LAMA3: variants seen among roughly 807,000 people sequenced by gnomAD.
LAMA3 encodes the protein laminin subunit alpha 3.
Under a neutral mutation model 402.0 loss-of-function variants are expected in LAMA3, and 281 were observed. The ratio of observed to expected loss-of-function variants is 0.70; its 90% confidence interval spans 0.63 to 0.77. The LOEUF (loss-of-function observed/expected upper bound fraction) is 0.77. Among genes scored for constraint, LAMA3 ranks in the 30% least tolerant of loss-of-function variants. LAMA3 has a pLI of 0.00. For synonymous variants in LAMA3, 1,431 were observed against 1,558.4 expected (o/e 0.92, Z 1.93); for missense variants, 3,840 against 4,215.5 (o/e 0.91, Z 2.47).
chr18:23,850,173 C>A (rs1449488517), intron 32 of LAMA3, among the ~76,000 whole-genome samples: 1 of 152,214 alleles, frequency 6.6e-6, no homozygotes, highest in Non-Finnish European at 1.5e-5. Flanking sequence ...CAGTCTTGTC[C>A]TGCAGTTGTA....
intron 2 of LAMA3, among the ~76,000 whole-genome samples, chr18:23,741,174 G>T (rs1461267818): frequency 2.6e-5 from 4 of 151,800 alleles, no homozygotes; most frequent in Admixed American, 1.3e-4. Flanking sequence ...TTAGCCAGGA[G>T]AGTCTCGATC....
chr18:23,846,305 C>A lies in LAMA3; in HGVS notation c.3728C>A (p.Thr1243Lys), dbSNP rs774210963. The A allele has an allele frequency of 1.7e-5, 28 of 1,614,122 alleles. No individual in the cohort carries two copies. In the South Asian group the frequency reaches 3.1e-4, roughly 18 times the overall value. Residue 1243 changes from threonine (T) to lysine (K), a missense_variant, in exon 31 of 75, where the codon ACA (threonine) becomes AAA (lysine). Physicochemically the swap from Thr to Lys is moderately conservative, Grantham distance 78. Transcript: ENST00000313654. ...TGTTTCTGTCTCCACAGCCCCCAGACAGCCTCCAGATTCTGTAAGAATTCC... is the reference window on the plus strand; with the variant it reads ...TGTTTCTGTCTCCACAGCCCCCAGAAAGCCTCCAGATTCTGTAAGAATTCC... The part of the protein sequence containing the change: ...GKNSFYLDPQ[T>K]ASRFCKNSAR...
At chr18:23,829,089 C>T (rs941883650) in intron 23 of LAMA3, among the ~76,000 whole-genome samples, 1 of 152,152 alleles carries the variant, frequency 6.6e-6, no homozygotes, top group African/African-American at 2.4e-5. Context: ...AATAGGCACA[C>T]CTAGGGAGAC....
rs1330157214 is a variant in LAMA3, at chr18:23,697,185, C to T, written c.294+7208C>T. 2.6e-5 allele frequency among the ~76,000 whole-genome samples: 4 copies of T among 152,314 alleles called. No individual in the cohort carries two copies. In the South Asian group the frequency reaches 8.3e-4, roughly 32 times the overall value. ...ACTTCCTGTGCTAAGCATGCTGCAC[C>T]ACTGAAATGATTTCTGAAGAGGAGG... is the stretch of plus-strand genomic sequence containing the variant. On this transcript the variant is annotated intron_variant, in intron 1 of 74. Transcript: ENST00000313654.
intron 11 of LAMA3, among the ~76,000 whole-genome samples, chr18:23,779,438 T>C (rs1322356587): frequency 6.6e-6 from 1 of 151,944 alleles, no homozygotes; most frequent in Non-Finnish European, 1.5e-5. Context: ...CCAACAGGAT[T>C]TGCTGAGGGA....
At chr18:23,840,776 T>C (rs1480092970) in intron 27 of LAMA3, among the ~76,000 whole-genome samples, 1 of 152,140 alleles carries the variant, frequency 6.6e-6, no homozygotes. Context: ...AAAAATATAA[T>C]TTACATTATG....
intron 74 of LAMA3, 102 bp from the exon 75 acceptor site, chr18:23,954,401 T>TTA (rs2083037769): frequency 1.7e-6 from 1 of 588,740 alleles, no homozygotes; most frequent in African/African-American, 2.7e-5. Context: ...GGACCCTGTC[T>TTA]AAAAAAAAAA....
chr18:23,819,816 T>C, intron 18 of LAMA3, 25 bp from the exon 19 acceptor site: 1 of 1,608,386 alleles, frequency 6.2e-7, no homozygotes, highest in Non-Finnish European at 8.5e-7. Context: ...ACCTCCTGTA[T>C]GTGTTTACTT....
At chr18:23,721,981 A>G (rs2061222146) in intron 2 of LAMA3, among the ~76,000 whole-genome samples, 1 of 152,182 alleles carries the variant, frequency 6.6e-6, no homozygotes, top group African/African-American at 2.4e-5. Flanking sequence ...CCTGATTAGT[A>G]TCCTTTAGTG....
At chr18:23,917,501 T>C (rs925039988) in intron 60 of LAMA3, among the ~76,000 whole-genome samples, 1 of 152,218 alleles carries the variant, frequency 6.6e-6, no homozygotes, top group Non-Finnish European at 1.5e-5. Flanking sequence ...AATCATTCCC[T>C]TTTTTCCACT....
At chr18:23,932,670 A>C (rs553475504) in intron 66 of LAMA3, 1 of 221,778 alleles carries the variant, frequency 4.5e-6, no homozygotes, top group East Asian at 1.1e-4. Flanking sequence ...GTGCTGTGCT[A>C]GGAAACCAAA....
chr18:23,797,298 T>C (rs1299881363), intron 12 of LAMA3, among the ~76,000 whole-genome samples: 1 of 151,502 alleles, frequency 6.6e-6, no homozygotes, highest in African/African-American at 2.4e-5. Flanking sequence ...TTAGAGGGAA[T>C]TGATTACTTG....
chr18:23,799,678 C>T (rs940004043), intron 12 of LAMA3, among the ~76,000 whole-genome samples: 1 of 152,080 alleles, frequency 6.6e-6, no homozygotes, highest in African/African-American at 2.4e-5. Context: ...GCAGAACAAG[C>T]CTGTAGTAGC....
At chr18:23,951,606 T>G in intron 72 of LAMA3, 78 bp from the exon 73 acceptor site, 1 of 1,140,328 alleles carries the variant, frequency 8.8e-7, no homozygotes. Flanking sequence ...TGGCCCGGTT[T>G]GGGGAGGGAA....
intron 54 of LAMA3, 137 bp from the exon 55 acceptor site, chr18:23,909,016 G>GT (rs1443648834): frequency 2.5e-6 from 2 of 793,692 alleles, no homozygotes; most frequent in Admixed American, 3.9e-5. Context: ...GGGAACTACC[G>GT]TAACTAATTA....
chr18:23,882,738 C>G (rs1476785135), intron 40 of LAMA3, among the ~76,000 whole-genome samples: 2 of 152,110 alleles, frequency 1.3e-5, no homozygotes, highest in Non-Finnish European at 2.9e-5. Context: ...GCACCCATGA[C>G]AGGGCCAGGC....
At chr18:23,876,651 A>G (rs1328063802) in intron 39 of LAMA3, among the ~76,000 whole-genome samples, 1 of 152,198 alleles carries the variant, frequency 6.6e-6, no homozygotes, top group South Asian at 2.1e-4. Flanking sequence ...TAGCTTCTAA[A>G]TCTCTCCTTC....
chr18:23,951,924 C>T (rs867888880), intron 73 of LAMA3, 147 bp downstream of exon 73: 2 of 684,370 alleles, frequency 2.9e-6, no homozygotes, highest in Non-Finnish European at 5.4e-6. Context: ...ATTCACAACC[C>T]CAGCCATGCT....
intron 56 of LAMA3, 40 bp downstream of exon 56, chr18:23,912,921 T>A: frequency 6.3e-7 from 1 of 1,582,106 alleles, no homozygotes; most frequent in Non-Finnish European, 8.7e-7. Context: ...TTTGAAACAA[T>A]GTTTTTCGAG....
Sources: gnomAD v4.1 joint callset for allele counts (sites outside exome capture counted in the v4.1 genomes callset) on GRCh38, gnomAD v4.1.1 for gene constraint, MANE v1.5 for transcripts, NCBI Gene and HGNC (gene_info 2026-07-23, HGNC 2026-07-21) for gene names.